The following RBFOX1 variants were observed in gnomAD, a reference collection of about 807,000 sequenced individuals.
RBFOX1 encodes RNA binding fox-1 homolog 1.
In RBFOX1, 8 loss-of-function variants were observed where a neutral mutation model predicts 57.7. The observed-to-expected ratio is 0.14, with a 90% CI of 0.08 to 0.25. RBFOX1 has a LOEUF of 0.25. Ranked by LOEUF, RBFOX1 falls within the 10% of genes least tolerant of loss-of-function variation. RBFOX1 has a pLI of 1.00. For synonymous variants in RBFOX1, 326 were observed against 222.4 expected, an observed-to-expected ratio of 1.47 and a Z score of -4.15; for missense variants, 611 against 548.5, an observed-to-expected ratio of 1.11 and a Z score of -1.14.
intron 3 of RBFOX1, among the ~76,000 whole-genome samples, chr16:6,957,276 T>C (rs1025815676): frequency 2.0e-5 from 3 of 151,708 alleles, no homozygotes; most frequent in African/African-American, 4.8e-5. Context: ...GGACTACAGG[T>C]GCCCACCACT....
Position 5,495,413 on chromosome 16 carries a change from C to T in RBFOX1, c.258+28159C>T, listed in dbSNP as rs112744829. 6.6e-3 allele frequency among the ~76,000 whole-genome samples: 1,003 copies of T among 152,300 alleles called. 12 individuals are homozygous for T. The highest frequency in any genetic ancestry group is 0.01 in the Non-Finnish European group (697 of 68,026). The stretch of plus-strand genomic sequence containing the variant: ...GAGAACTTGCTCACTGTCATGGTAA[C>T]AGCAAGAGGAATATCCAGTCCCATC... On this transcript the variant is annotated intron_variant, in intron 2 of 2. Transcript: ENST00000585867.
chr16:6,769,540 G>A (rs1351409852), intron 3 of RBFOX1, among the ~76,000 whole-genome samples: 1 of 152,170 alleles, frequency 6.6e-6, no homozygotes, highest in Non-Finnish European at 1.5e-5. Context: ...ATAAACATCA[G>A]GCTGTTTCCT....
chr16:5,538,366 T>C (rs1019345456), intron 2 of RBFOX1, among the ~76,000 whole-genome samples: 2 of 152,146 alleles, frequency 1.3e-5, no homozygotes, highest in African/African-American at 2.4e-5. Context: ...AAATATTTAT[T>C]TGGGAATGTG....
intron 3 of RBFOX1, among the ~76,000 whole-genome samples, chr16:5,839,804 G>C (rs1393796178): frequency 3.3e-5 from 5 of 152,146 alleles, no homozygotes. Flanking sequence ...CTTTTCTTGA[G>C]GCTATTTTTA....
At chr16:5,902,063 T>C (rs915378050) in intron 4 of RBFOX1, among the ~76,000 whole-genome samples, 10 of 152,228 alleles carry the variant, frequency 6.6e-5, no homozygotes, top group Admixed American at 4.6e-4. Context: ...CAATGCATGT[T>C]TCTTGAATGA....
At chr16:6,714,178 A>G (rs2064300467) in intron 3 of RBFOX1, among the ~76,000 whole-genome samples, 1 of 152,178 alleles carries the variant, frequency 6.6e-6, no homozygotes, top group South Asian at 2.1e-4. Context: ...CATGTAAGCC[A>G]TGCCTGCCTC....
intron 7 of RBFOX1, among the ~76,000 whole-genome samples, chr16:7,592,309 C>G (rs1248298212): frequency 6.6e-6 from 1 of 152,112 alleles, no homozygotes; most frequent in Non-Finnish European, 1.5e-5. Context: ...TAGTTCATGC[C>G]CCTTCCTTGG....
At chr16:6,637,364 TATAA>T (rs1410605648) in intron 2 of RBFOX1, among the ~76,000 whole-genome samples, 6 of 86,562 alleles carry the variant, frequency 6.9e-5, no homozygotes, top group African/African-American at 3.2e-4. Flanking sequence ...ATTAAATATA[TATAA>T]TATATAATAT....
At chr16:6,860,314 A>T (rs2058764753) in intron 3 of RBFOX1, among the ~76,000 whole-genome samples, 1 of 152,214 alleles carries the variant, frequency 6.6e-6, no homozygotes, top group Non-Finnish European at 1.5e-5. Flanking sequence ...CTCAGTTCTG[A>T]TGGAGTCAAG....
At chr16:7,464,624 T>C (rs573234261) in intron 4 of RBFOX1, among the ~76,000 whole-genome samples, 229 of 151,322 alleles carry the variant, frequency 1.5e-3, no homozygotes, top group African/African-American at 5.3e-3. Context: ...ATATCTACAA[T>C]GTCCTCTCTA....
chr16:7,683,943 G>C (rs778342568), intron 14 of RBFOX1, among the ~76,000 whole-genome samples: 3 of 151,980 alleles, frequency 2.0e-5, no homozygotes, highest in Admixed American at 2.0e-4. Flanking sequence ...AAATTAAACC[G>C]CTCCACTTTG....
At chr16:7,498,690 C>A (rs954454823) in intron 4 of RBFOX1, among the ~76,000 whole-genome samples, 2 of 152,100 alleles carry the variant, frequency 1.3e-5, no homozygotes, top group African/African-American at 4.8e-5. Context: ...GTACAGTACG[C>A]GTCATTTCAG....
At chr16:5,395,758 C>T (rs991113380) in intron 1 of RBFOX1, among the ~76,000 whole-genome samples, 1 of 152,180 alleles carries the variant, frequency 6.6e-6, no homozygotes, top group African/African-American at 2.4e-5. Context: ...CCAGCAGACT[C>T]GCATTCTTTC....
At chr16:6,847,713 C>A (rs1382718863) in intron 3 of RBFOX1, among the ~76,000 whole-genome samples, 5 of 152,068 alleles carry the variant, frequency 3.3e-5, no homozygotes, top group African/African-American at 1.2e-4. Flanking sequence ...AGGATTAGAG[C>A]ACCCATCAAC....
chr16:6,352,440 A>G (rs1418050992), intron 2 of RBFOX1, among the ~76,000 whole-genome samples: 2 of 152,236 alleles, frequency 1.3e-5, no homozygotes, highest in East Asian at 1.9e-4. Flanking sequence ...AATTATGACC[A>G]TCAATGATCA....
chr16:7,204,811 G>T (rs1006180600), intron 4 of RBFOX1, among the ~76,000 whole-genome samples: 1 of 151,804 alleles, frequency 6.6e-6, no homozygotes, highest in African/African-American at 2.4e-5. Context: ...AAACTGATTG[G>T]TAACTCCTCA....
chr16:5,689,035 A>G (rs1021673456), intron 3 of RBFOX1, among the ~76,000 whole-genome samples: 4 of 152,212 alleles, frequency 2.6e-5, no homozygotes, highest in Non-Finnish European at 5.9e-5. Flanking sequence ...GCAGGATTTT[A>G]TTTTGACATC....
At chr16:7,091,936 A>T (rs942183994) in intron 4 of RBFOX1, among the ~76,000 whole-genome samples, 4 of 152,252 alleles carry the variant, frequency 2.6e-5, no homozygotes, top group African/African-American at 9.6e-5. Context: ...CTTTCAGGAC[A>T]GAAACAACAT....
At chr16:6,374,470 A>G (rs888842772) in intron 2 of RBFOX1, among the ~76,000 whole-genome samples, 8 of 152,138 alleles carry the variant, frequency 5.3e-5, no homozygotes, top group African/African-American at 1.9e-4. Context: ...AAGGAACTCT[A>G]CTATTTTTGG....
Sources: gnomAD v4.1 joint callset for allele counts (sites outside exome capture counted in the v4.1 genomes callset) on GRCh38, gnomAD v4.1.1 for gene constraint, MANE v1.5 for transcripts, NCBI Gene and HGNC (gene_info 2026-07-23, HGNC 2026-07-21) for gene names.